Variants in BICC1 observed in about 807,000 individuals in gnomAD.
The protein encoded by BICC1 is BicC family RNA binding protein 1, also known as protein bicaudal C homolog 1.
Under a neutral mutation model 111.0 loss-of-function variants are expected in BICC1, and 43 were observed. That is an observed-to-expected ratio of 0.39 (90% CI 0.30 to 0.50). The LOEUF is 0.50. BICC1 is among the 20% of genes least tolerant of loss of function. BICC1 has a pLI of 0.88. For missense variants in BICC1, 1,091 were observed against 1,203.2 expected, an observed-to-expected ratio of 0.91 and a Z score of 1.38; for synonymous variants, 467 against 434.4, an observed-to-expected ratio of 1.07 and a Z score of -0.93.
chr10:58,585,340 A>C (rs906475635), intron 1 of BICC1, among the ~76,000 whole-genome samples: 18 of 152,314 alleles, frequency 1.2e-4, no homozygotes, highest in African/African-American at 4.3e-4. Context: ...GGTGCTGGTC[A>C]CTTTTGAACA....
intron 3 of BICC1, among the ~76,000 whole-genome samples, chr10:58,719,560 G>A (rs1840874475): frequency 6.6e-6 from 1 of 151,952 alleles, no homozygotes; most frequent in African/African-American, 2.4e-5. Context: ...AGGCTGGAGT[G>A]CAGTGGCGGG....
At chr10:58,753,970 G>T (rs1049725758) in intron 3 of BICC1, among the ~76,000 whole-genome samples, 1 of 151,898 alleles carries the variant, frequency 6.6e-6, no homozygotes, top group Non-Finnish European at 1.5e-5. Context: ...CATATGATAG[G>T]ACTTAATTTT....
intron 1 of BICC1, among the ~76,000 whole-genome samples, chr10:58,605,300 T>C (rs1315581959): frequency 1.3e-5 from 2 of 152,134 alleles, no homozygotes; most frequent in Non-Finnish European, 2.9e-5. Context: ...CTCTGTTCCC[T>C]AGATGTAGCT....
intron 3 of BICC1, among the ~76,000 whole-genome samples, chr10:58,713,006 T>C (rs1376350031): frequency 6.6e-6 from 1 of 152,232 alleles, no homozygotes; most frequent in Non-Finnish European, 1.5e-5. Flanking sequence ...TTTTAAAATA[T>C]ACTATATGCA....
intron 2 of BICC1, among the ~76,000 whole-genome samples, chr10:58,662,476 C>T (rs1238607578): frequency 6.6e-6 from 1 of 152,156 alleles, no homozygotes; most frequent in Admixed American, 6.6e-5. Context: ...CAGAAGTCAG[C>T]TAAGTCTCCA....
rs572158328 is a variant in BICC1 at position 58,656,302 on chromosome 10, C to G, written c.237+35401C>G. On this transcript the variant is annotated intron_variant, in intron 2 of 20. Coordinates refer to ENST00000373886, the MANE Select transcript of BICC1 (RefSeq NM_001080512.3). ...GGAACTGGTACCATTCCTTCTGAAA[C>G]TATTCCAATCAATAGAAAAAGAGGG... is the stretch of plus-strand genomic sequence containing the variant. Among the ~76,000 whole-genome samples the G allele has an allele frequency of 4.1e-4, 62 of 151,148 alleles. 2 individuals carry two copies. The highest frequency in any genetic ancestry group is 1.5e-3 in the African/African-American group (61 of 41,168).
At chr10:58,539,370 T>C (rs1234594494) in intron 1 of BICC1, among the ~76,000 whole-genome samples, 1 of 151,426 alleles carries the variant, frequency 6.6e-6, no homozygotes, top group Non-Finnish European at 1.5e-5. Context: ...TGGTATAATG[T>C]ACATTGGAGA....
chr10:58,594,322 A>T (rs1343561843), intron 1 of BICC1, among the ~76,000 whole-genome samples: 4 of 152,170 alleles, frequency 2.6e-5, no homozygotes, highest in Non-Finnish European at 4.4e-5. Flanking sequence ...ATCCAGGAGA[A>T]CTTCCCCAAC....
At chr10:58,825,487 T>G (rs1019744286) in intron 20 of BICC1, among the ~76,000 whole-genome samples, 9 of 152,212 alleles carry the variant, frequency 5.9e-5, no homozygotes, top group African/African-American at 2.2e-4. Flanking sequence ...CCATACAATA[T>G]ACACATCTAT....
At chr10:58,555,883 T>C (rs1820542) in intron 1 of BICC1, among the ~76,000 whole-genome samples, 76,534 of 152,038 alleles carry the variant, frequency 0.5, 19,559 homozygotes, top group Admixed American at 0.64. Context: ...TATTGGTTCT[T>C]TAAACATTAT....
intron 3 of BICC1, among the ~76,000 whole-genome samples, chr10:58,703,164 C>CA (rs5785339): frequency 1.5e-5 from 2 of 130,414 alleles, no homozygotes; most frequent in Non-Finnish European, 1.6e-5. Flanking sequence ...TATCTTGCTA[C>CA]TTTTTTTTTT....
intron 3 of BICC1, among the ~76,000 whole-genome samples, chr10:58,739,013 A>G (rs908608718): frequency 1.3e-5 from 2 of 151,990 alleles, no homozygotes; most frequent in African/African-American, 4.8e-5. Flanking sequence ...CTAGATATAT[A>G]ATCATGTCAT....
intron 2 of BICC1, among the ~76,000 whole-genome samples, chr10:58,692,831 T>G (rs1019640044): frequency 1.5e-4 from 21 of 142,866 alleles, no homozygotes; most frequent in African/African-American, 6.0e-4. Flanking sequence ...CAGGGATATC[T>G]CCATCTTTTT....
intron 1 of BICC1, among the ~76,000 whole-genome samples, chr10:58,526,107 A>G (rs1649022): frequency 0.46 from 69,711 of 151,564 alleles, 17,091 homozygotes; most frequent in Admixed American, 0.62. Flanking sequence ...TTTGTGTGGG[A>G]CATTGTCTTT....
At chr10:58,794,126 T>C (rs969946241) in intron 9 of BICC1, among the ~76,000 whole-genome samples, 2 of 152,084 alleles carry the variant, frequency 1.3e-5, no homozygotes, top group East Asian at 1.9e-4. Context: ...TTGAAGCTTT[T>C]CTAAGTTACC....
At chr10:58,796,244 C>G in intron 9 of BICC1, 96 bp from the exon 10 acceptor site, 3 of 1,026,478 alleles carry the variant, frequency 2.9e-6, no homozygotes, top group Non-Finnish European at 4.4e-6. Context: ...GAGTGGAATT[C>G]TTATTAGCGT....
At chr10:58,597,679 A>G (rs1844863513) in intron 1 of BICC1, among the ~76,000 whole-genome samples, 1 of 152,084 alleles carries the variant, frequency 6.6e-6, no homozygotes. Flanking sequence ...GCAGCCGATT[A>G]TTGACCTCCC....
At chr10:58,575,586 T>G (rs377017473) in intron 1 of BICC1, among the ~76,000 whole-genome samples, 6,183 of 152,006 alleles carry the variant, frequency 0.041, 394 homozygotes, top group African/African-American at 0.14. Flanking sequence ...TTGGTTGTTG[T>G]TGTTGGTTTT....
At chr10:58,680,702 G>A (rs965016319) in intron 2 of BICC1, among the ~76,000 whole-genome samples, 1 of 152,166 alleles carries the variant, frequency 6.6e-6, no homozygotes, top group Non-Finnish European at 1.5e-5. Context: ...ACCAAAAAGA[G>A]CCTGTATAGC....
Sources: allele counts gnomAD v4.1 joint callset (sites outside exome capture counted in the v4.1 genomes callset), GRCh38; gene constraint gnomAD v4.1.1; transcripts MANE v1.5; gene names NCBI Gene and HGNC (gene_info 2026-07-23, HGNC 2026-07-21).